The following NBPF3 variants were observed in gnomAD, a reference collection of about 807,000 sequenced individuals.
The protein encoded by NBPF3 is NBPF family member NBPF3.
NBPF3 carries 57 observed loss-of-function variants against 78.1 expected under a neutral mutation model. The observed-to-expected ratio is 0.73, with a 90% CI of 0.59 to 0.91. NBPF3 has a LOEUF of 0.91. Ranked by LOEUF, NBPF3 falls within the 40% of genes least tolerant of loss-of-function variation. NBPF3 has a pLI of 0.00. For missense variants in NBPF3, 510 were observed against 715.3 expected, an observed-to-expected ratio of 0.71 and a Z score of 3.27; for synonymous variants, 182 against 271.7, an observed-to-expected ratio of 0.67 and a Z score of 3.25.
chr1:21,437,375 G>T, upstream of NBPF3: 1 of 713,052 alleles, frequency 1.4e-6, no homozygotes, highest in Non-Finnish European at 2.2e-6. Context: ...TCAGAGGGTG[G>T]TGAGAGCACA....
chr1:21,470,239 C>T (rs1046980027), intron 3 of NBPF3, among the ~76,000 whole-genome samples: 3 of 152,202 alleles, frequency 2.0e-5, no homozygotes, highest in African/African-American at 7.2e-5. Context: ...AACCATCAGT[C>T]CCATAGTCCT....
chr1:21,456,628 A>T (rs1641618244), intron 2 of NBPF3, among the ~76,000 whole-genome samples: 1 of 146,318 alleles, frequency 6.8e-6, no homozygotes, highest in Admixed American at 6.7e-5. Context: ...ACACAGTAAA[A>T]GCATTTGGCA....
rs746722694 is a variant in NBPF3 at position 21,473,384 on chromosome 1, G to A, written c.739G>A (p.Val247Met). 3.1e-6 allele frequency: 5 copies of A among 1,613,956 alleles called. No homozygotes were observed. The South Asian group carries it at 4.4e-5, about 14-fold the overall frequency. Reference sequence around the variant, plus strand: ...CTATCCCACCTGGCTCATCAGGGAGGTGCAGAAGGCTGAAGAAAAGGAAGT... The same window carrying A: ...CTATCCCACCTGGCTCATCAGGGAGATGCAGAAGGCTGAAGAAAAGGAAGT... Reference protein sequence around the residue: ...KVQELYAPREVQKAEEKEVPE... With the variant: ...KVQELYAPREMQKAEEKEVPE... Residue 247 changes from valine (V) to methionine (M), a missense_variant, in exon 7 of 15, where the codon GTG becomes ATG. Val to Met is a conservative substitution (Grantham distance 21). Coordinates refer to ENST00000318249, the MANE Select transcript of NBPF3 (RefSeq NM_032264.6).
At chr1:21,461,777 T>C (rs1407295840) in intron 2 of NBPF3, among the ~76,000 whole-genome samples, 1 of 152,222 alleles carries the variant, frequency 6.6e-6, no homozygotes, top group East Asian at 1.9e-4. Context: ...TGATTCCATG[T>C]TTATGAAGCA....
chr1:21,446,492 T>TCCTTCCTTCCTTCCTC, intron 2 of NBPF3: 1 of 148,240 alleles, frequency 6.7e-6, no homozygotes, highest in Non-Finnish European at 1.5e-5. Flanking sequence ...CTTCCTTCCT[T>TCCTTCCTTCCTTCCTC]CCCTACTTCC....
At chr1:21,479,613 C>G (rs1437170270) in intron 10 of NBPF3, among the ~76,000 whole-genome samples, 1 of 152,050 alleles carries the variant, frequency 6.6e-6, no homozygotes, top group East Asian at 1.9e-4. Context: ...GAAGGTTGAC[C>G]ATACTTCAAA....
chr1:21,444,904 C>G, intron 1 of NBPF3, 44 bp from the exon 2 acceptor site: 1 of 608,074 alleles, frequency 1.6e-6, no homozygotes, highest in Non-Finnish European at 2.7e-6. Context: ...TGCCGAAGCC[C>G]CAAATCTCAA....
chr1:21,477,098 A>G (rs1642925550), intron 8 of NBPF3, among the ~76,000 whole-genome samples: 1 of 152,132 alleles, frequency 6.6e-6, no homozygotes, highest in Non-Finnish European at 1.5e-5. Flanking sequence ...TGTGTCACGT[A>G]GTTCTCGTGC....
At position 21,478,241 on chromosome 1, in the gene NBPF3, C is replaced by A; in HGVS notation, c.1090C>A (p.Gln364Lys). ...SIPPDMSASY[Q>K]SDRSTFHSVE... ...TCCTCCTGACATGTCTGCCTCATAC[C>A]AGTCTGACAGGAGCACCTTTCACTC... Residue 364 changes from glutamine (Q) to lysine (K), a missense_variant, in exon 9 of 15, where the codon CAG becomes AAG. Gln to Lys is a moderately conservative substitution (Grantham distance 53). Coordinates refer to ENST00000318249, the MANE Select transcript of NBPF3 (RefSeq NM_032264.6). 7 of 1,614,178 alleles carry A rather than the reference C, an allele frequency of 4.3e-6. No individual in the cohort carries two copies. Among genetic ancestry groups the A allele is most frequent in the Non-Finnish European group, 5.9e-6 (7 of 1,180,034 alleles).
rs1405996995 is a variant in NBPF3, at chr1:21,440,265, G to A, written c.-223G>A. 6.6e-6 allele frequency: 1 copy of A among 152,290 alleles called. No homozygotes were observed. Among genetic ancestry groups the A allele is most frequent in the African/African-American group, 2.4e-5 (1 of 41,458 alleles). The allele number at this position is 152,290 out of a possible 1,614,324, so 9.4% of individuals were successfully genotyped here. A position where few individuals can be genotyped will look rare whatever the true frequency, so the allele number is the denominator to read the frequency against. ...GCGGGACTGGCAACCTGCGGCGCCA[G>A]GAGCTGGGCCGAGGCGCGGCGGCGC... On this transcript the variant is annotated 5_prime_UTR_variant, in exon 1 of 15. Coordinates refer to ENST00000318249, the MANE Select transcript of NBPF3 (RefSeq NM_032264.6).
At chr1:21,466,735 CAA>C (rs3053491) in intron 2 of NBPF3, among the ~76,000 whole-genome samples, 1 of 148,032 alleles carries the variant, frequency 6.8e-6, no homozygotes, top group African/African-American at 2.5e-5. Flanking sequence ...TCACAAAAAC[CAA>C]AAAAAAAAAG....
chr1:21,445,118 A>C lies in NBPF3; in HGVS notation c.32A>C (p.Gln11Pro), dbSNP rs1279954545. The C allele has an allele frequency of 6.2e-7, 1 of 1,611,880 alleles. No homozygotes were observed. Among genetic ancestry groups the C allele is most frequent in the Admixed American group, 1.7e-5 (1 of 60,010 alleles). ...CTGACTCCCACTGTCCAGGGCTTCCAGTGGACTCTCCGAGGCCCTGATGTA... is the reference window on the plus strand; with the variant it reads ...CTGACTCCCACTGTCCAGGGCTTCCCGTGGACTCTCCGAGGCCCTGATGTA... MPLTPTVQGFQWTLRGPDVET... is the reference protein window; with the variant it reads MPLTPTVQGFPWTLRGPDVET... Residue 11 changes from glutamine to proline, a missense_variant, in exon 2 of 15, where the codon CAG (glutamine) becomes CCG (proline). By Grantham distance (76) the Gln-to-Pro change is moderately conservative. This residue lies in a region of NBPF3 where 440 missense variants were observed against 478.2 expected (regional missense o/e 0.92). Coordinates refer to ENST00000318249, the MANE Select transcript of NBPF3 (RefSeq NM_032264.6).
chr1:21,451,904 A>T, intron 2 of NBPF3: 1 of 963,338 alleles, frequency 1.0e-6, no homozygotes, highest in Non-Finnish European at 1.3e-6. Context: ...GAGCCTATGG[A>T]TCAAGGTGCA....
rs768481849 is a variant in NBPF3 at position 21,480,044 on chromosome 1, T to G, written c.1209-7T>G. On this transcript the variant is annotated splice_polypyrimidine_tract_variant and splice_region_variant and intron_variant, in intron 10 of 14. Transcript: ENST00000318249. ...TGGCTTATTCTTTACTTTTCCTACT[T>G]TTCCAGGCTCAGCAGGGAGCTGCTG... 1.1e-5 allele frequency: 13 copies of G among 1,152,922 alleles called. No homozygotes were observed. The Admixed American group carries it at 2.0e-4, about 18-fold the overall frequency. The allele number at this position is 1,152,922 out of a possible 1,614,324, so 71.4% of individuals were successfully genotyped here.
chr1:21,479,383 A>G lies in NBPF3; in HGVS notation c.1191A>G (p.Gln397=). 6.2e-7 allele frequency: 1 copy of G among 1,611,178 alleles called. No individual in the cohort carries two copies. The highest frequency in any genetic ancestry group is 1.7e-5 in the Admixed American group (1 of 59,992). The part of the protein sequence containing the change: ...HWCDQVKKED[Q]EATSPRLSRE... Reference sequence around the variant, plus strand: ...GTGATCAAGTGAAAAAGGAGGACCAAGAGGCCACAAGTCCCAGGTGAGTCT... The same window carrying G: ...GTGATCAAGTGAAAAAGGAGGACCAGGAGGCCACAAGTCCCAGGTGAGTCT... Residue 397 remains glutamine, a synonymous_variant, in exon 10 of 15, where the codon CAA becomes CAG. Coordinates refer to ENST00000318249, the MANE Select transcript of NBPF3 (RefSeq NM_032264.6).
At chr1:21,477,805 A>G (rs1363352901) in intron 8 of NBPF3, among the ~76,000 whole-genome samples, 1 of 152,242 alleles carries the variant, frequency 6.6e-6, no homozygotes, top group Non-Finnish European at 1.5e-5. Flanking sequence ...TGAATGCTGC[A>G]TGTAAAATTC....
upstream of NBPF3, chr1:21,437,331 T>G: frequency 2.3e-6 from 1 of 438,454 alleles, no homozygotes; most frequent in Non-Finnish European, 4.0e-6. Context: ...GGGGCTTTGA[T>G]TGGAGTTGTC....
intron 1 of NBPF3, among the ~76,000 whole-genome samples, chr1:21,444,185 A>C (rs1052636034): frequency 3.3e-5 from 5 of 152,240 alleles, no homozygotes; most frequent in African/African-American, 1.2e-4. Context: ...ACCATATTCA[A>C]CAATCTCCAA....
intron 5 of NBPF3, 139 bp downstream of exon 5, chr1:21,471,922 C>T: frequency 5.8e-6 from 7 of 1,209,072 alleles, no homozygotes; most frequent in Non-Finnish European, 8.4e-6. Context: ...AGTGACATAA[C>T]CAGGACTTCC....
Sources: gnomAD v4.1 joint callset for allele counts (sites outside exome capture counted in the v4.1 genomes callset) on GRCh38, gnomAD v4.1.1 for gene constraint, gnomAD v4.1.1 regional missense constraint, MANE v1.5 for transcripts, NCBI Gene and HGNC (gene_info 2026-07-23, HGNC 2026-07-21) for gene names.